The following SHISA9 variants were observed in gnomAD, a reference collection of about 807,000 sequenced individuals.
SHISA9 encodes the protein shisa family member 9, also known as protein shisa-9.
Under a neutral mutation model 38.0 loss-of-function variants are expected in SHISA9, and 13 were observed. That is an observed-to-expected ratio of 0.34 (90% CI 0.22 to 0.54). SHISA9 has a LOEUF of 0.54. Among genes scored for constraint, SHISA9 ranks in the 20% least tolerant of loss-of-function variants. The pLI is 0.91. For synonymous variants in SHISA9, 275 were observed against 242.0 expected (o/e 1.14, Z -1.27); for missense variants, 538 against 575.8 (o/e 0.93, Z 0.67).
chr16:13,514,859 AAAAGAGG>A, the SHISA9 span, among the ~76,000 whole-genome samples: 1 of 152,174 alleles, frequency 6.6e-6, no homozygotes, highest in Non-Finnish European at 1.5e-5. Context: ...AAACCAGTGA[AAAAGAGG>A]AAATTATAGA....
At chr16:12,921,972 A>T (rs920128225) in intron 2 of SHISA9, among the ~76,000 whole-genome samples, 4 of 152,192 alleles carry the variant, frequency 2.6e-5, no homozygotes, top group African/African-American at 9.7e-5. Flanking sequence ...CATCATAAGG[A>T]TGGGGAAACT....
the SHISA9 span, among the ~76,000 whole-genome samples, chr16:13,548,286 C>T: frequency 1.3e-5 from 2 of 152,116 alleles, no homozygotes; most frequent in African/African-American, 4.8e-5. Context: ...AAACACTTTA[C>T]AACGTTGGTC....
chr16:13,209,896 C>A (rs770620862), intron 3 of SHISA9, among the ~76,000 whole-genome samples: 1 of 152,162 alleles, frequency 6.6e-6, no homozygotes, highest in African/African-American at 2.4e-5. Context: ...GTCAGGAGAT[C>A]GAGACCATCC....
At chr16:12,902,651 C>T in intron 1 of SHISA9, 24 bp downstream of exon 1, 1 of 1,517,670 alleles carries the variant, frequency 6.6e-7, no homozygotes, top group Non-Finnish European at 8.8e-7. Context: ...CCTTCGCCCT[C>T]CCCTCGGGGC....
At chr16:13,522,589 G>T in the SHISA9 span, among the ~76,000 whole-genome samples, 2 of 152,006 alleles carry the variant, frequency 1.3e-5, no homozygotes, top group African/African-American at 4.8e-5. Context: ...TTCAGGCAAG[G>T]GTTAGACTTA....
intron 2 of SHISA9, among the ~76,000 whole-genome samples, chr16:12,991,372 A>T (rs11863162): frequency 0.025 from 3,813 of 152,284 alleles, 161 homozygotes; most frequent in African/African-American, 0.086. Flanking sequence ...ATGATTGTTA[A>T]TATTTTGGAG....
intron 2 of SHISA9, among the ~76,000 whole-genome samples, chr16:13,022,993 C>A (rs1224739772): frequency 6.6e-6 from 1 of 150,480 alleles, no homozygotes; most frequent in Non-Finnish European, 1.5e-5. Flanking sequence ...CTGCAAAGAC[C>A]CGTTTTTCTT....
chr16:13,098,475 CTG>C (rs1247736126), intron 2 of SHISA9, among the ~76,000 whole-genome samples: 2 of 152,174 alleles, frequency 1.3e-5, no homozygotes, highest in Admixed American at 6.5e-5. Context: ...CTTGCTGGCC[CTG>C]TGTTTTCCCT....
chr16:13,054,930 T>C (rs1379424431), intron 2 of SHISA9, among the ~76,000 whole-genome samples: 1 of 152,242 alleles, frequency 6.6e-6, no homozygotes, highest in African/African-American at 2.4e-5. Flanking sequence ...AGTTTGCTTT[T>C]ACTTGTCCTT....
chr16:13,076,377 A>G (rs910528644), intron 2 of SHISA9, among the ~76,000 whole-genome samples: 2 of 152,152 alleles, frequency 1.3e-5, no homozygotes, highest in African/African-American at 4.8e-5. Flanking sequence ...GCCTCTGCAA[A>G]TATTCTAAAT....
the SHISA9 span, among the ~76,000 whole-genome samples, chr16:13,277,622 G>A: frequency 3.3e-5 from 5 of 151,812 alleles, no homozygotes; most frequent in African/African-American, 7.3e-5. Context: ...TTTCCTTGTA[G>A]AGGTTTTCGG....
intron 2 of SHISA9, among the ~76,000 whole-genome samples, chr16:12,977,447 C>T (rs1224724333): frequency 6.6e-6 from 1 of 152,054 alleles, no homozygotes; most frequent in Non-Finnish European, 1.5e-5. Flanking sequence ...GCCATTTGAC[C>T]CAGCAATCCC....
the SHISA9 span, among the ~76,000 whole-genome samples, chr16:13,428,567 C>G: frequency 1.3e-5 from 2 of 152,122 alleles, no homozygotes; most frequent in Non-Finnish European, 2.9e-5. Flanking sequence ...GTGGGTCATT[C>G]TTTTCATTTC....
chr16:13,128,606 A>G (rs1016468701), intron 2 of SHISA9, among the ~76,000 whole-genome samples: 2 of 152,162 alleles, frequency 1.3e-5, no homozygotes, highest in African/African-American at 4.8e-5. Context: ...AGCTGGAAAG[A>G]ATTAGGTCAG....
the SHISA9 span, among the ~76,000 whole-genome samples, chr16:13,371,060 A>G: frequency 6.6e-6 from 1 of 152,220 alleles, no homozygotes; most frequent in African/African-American, 2.4e-5. Flanking sequence ...CGACTCCACT[A>G]AGTGAATTAA....
At chr16:13,115,850 G>A (rs974185180) in intron 2 of SHISA9, among the ~76,000 whole-genome samples, 3 of 152,150 alleles carry the variant, frequency 2.0e-5, no homozygotes, top group Non-Finnish European at 4.4e-5. Flanking sequence ...TTCCAACACT[G>A]ACTATCTTAT....
At chr16:13,023,781 C>G (rs2141869204) in intron 2 of SHISA9, among the ~76,000 whole-genome samples, 1 of 152,280 alleles carries the variant, frequency 6.6e-6, no homozygotes, top group South Asian at 2.1e-4. Flanking sequence ...TGATGATGTG[C>G]ATTTTTTCGT....
the SHISA9 span, among the ~76,000 whole-genome samples, chr16:13,485,201 C>T: frequency 6.6e-6 from 1 of 151,978 alleles, no homozygotes; most frequent in African/African-American, 2.4e-5. Flanking sequence ...TGCCCCGCAC[C>T]CCCCGACAGG....
the SHISA9 span, among the ~76,000 whole-genome samples, chr16:13,506,139 C>T: frequency 6.6e-6 from 1 of 152,196 alleles, no homozygotes. Flanking sequence ...ACATTCAAGT[C>T]ATTCTGCCTT....
Sources: gnomAD v4.1 joint callset for allele counts (sites outside exome capture counted in the v4.1 genomes callset) on GRCh38, gnomAD v4.1.1 for gene constraint, MANE v1.5 for transcripts, NCBI Gene and HGNC (gene_info 2026-07-23, HGNC 2026-07-21) for gene names.